Variants in DLEC1 observed in about 807,000 individuals in gnomAD.
DLEC1 encodes DLEC1 cilia and flagella associated protein, also known as deleted in lung and esophageal cancer protein 1.
Under a neutral mutation model 198.1 loss-of-function variants are expected in DLEC1, and 146 were observed. The ratio of observed to expected loss-of-function variants is 0.74; its 90% CI spans 0.64 to 0.85. DLEC1 has a LOEUF of 0.85. Ranked by LOEUF, DLEC1 falls within the 40% of genes least tolerant of loss-of-function variation. The pLI is 0.00. For missense variants in DLEC1, 2,233 were observed against 2,220.0 expected, an observed-to-expected ratio of 1.01 and a Z score of -0.12; for synonymous variants, 897 against 866.8, an observed-to-expected ratio of 1.03 and a Z score of -0.61.
Position 38,117,862 on chromosome 3 carries a change from C to A in DLEC1, c.4542C>A (p.Ile1514=). The A allele has an allele frequency of 6.2e-7, 1 of 1,614,152 alleles. No individual in the cohort carries two copies. ...HHLKLTNTTE[I]PHYFRLMVSR... is the part of the protein sequence containing the mutation. ...TGAAGCTGACCAACACTACAGAGAT[C>A]CCACACTACTTCCGGCTTATGGTCT... Residue 1514 remains isoleucine (I), a synonymous_variant, in exon 33 of 37, where the codon ATC becomes ATA. Coordinates refer to ENST00000308059, the MANE Select transcript of DLEC1 (RefSeq NM_007335.4).
intron 10 of DLEC1, among the ~76,000 whole-genome samples, chr3:38,092,174 A>G (rs547080266): frequency 1.3e-5 from 2 of 152,350 alleles, no homozygotes; most frequent in South Asian, 4.1e-4. Flanking sequence ...TTGATAGAGG[A>G]TAAAGAAAAT....
At chr3:38,060,241 C>A (rs113610368) in intron 3 of DLEC1, among the ~76,000 whole-genome samples, 1,961 of 152,318 alleles carry the variant, frequency 0.013, 38 homozygotes, top group African/African-American at 0.043. Context: ...AAAAGAGCAG[C>A]TTCTCATCCT....
intron 7 of DLEC1, 113 bp downstream of exon 7, chr3:38,084,358 TGG>T (rs1698248504): frequency 1.0e-6 from 1 of 961,170 alleles, no homozygotes; most frequent in Admixed American, 2.0e-5. Context: ...GTAGTGGTGG[TGG>T]TAGTAGTAGT....
rs566923403 is a variant in DLEC1 at position 38,063,938 on chromosome 3, T to G, written c.1173+19T>G. 4 of 1,558,702 alleles carry G rather than the reference T, an allele frequency of 2.6e-6. No individual in the cohort carries two copies. In the South Asian group the frequency reaches 4.5e-5, roughly 17 times the overall value. ...TTATGAGGTAGACATCTTGTTTCTTTACAGCTCCCACCCCATCTGCTTTCT... is the reference window on the plus strand; with the variant it reads ...TTATGAGGTAGACATCTTGTTTCTTGACAGCTCCCACCCCATCTGCTTTCT... On this transcript the variant is annotated intron_variant, in intron 6 of 36. Transcript: ENST00000308059.
chr3:38,111,020 G>A (rs1293826958), intron 23 of DLEC1, among the ~76,000 whole-genome samples: 1 of 152,144 alleles, frequency 6.6e-6, no homozygotes, highest in Non-Finnish European at 1.5e-5. Flanking sequence ...ACATAGGTGT[G>A]CCAGAACCAG....
In DLEC1 at chr3:38,096,677, A is replaced by T. The variant is rs201753373; in HGVS notation, c.2280A>T (p.Pro760=). ...SVEPFQVLLE[P]YALIIPGENY... ...AACCTTTCCAGGTTCTCTTAGAGCC[A>T]TATGCCCTCATCATCCCAGGGGAGA... Residue 760 remains proline, a synonymous_variant, in exon 15 of 37, where the codon CCA becomes CCT. Transcript: ENST00000308059. 6.2e-7 allele frequency: 1 copy of T among 1,613,568 alleles called. No individual in the cohort carries two copies. The highest frequency in any genetic ancestry group is 8.5e-7 in the Non-Finnish European group (1 of 1,179,968).
At chr3:38,098,775 T>C (rs1469245385) in intron 18 of DLEC1, among the ~76,000 whole-genome samples, 1 of 152,232 alleles carries the variant, frequency 6.6e-6, no homozygotes, top group Non-Finnish European at 1.5e-5. Flanking sequence ...GAAAGTGGGC[T>C]TTCCTTTCTA....
rs904351295 is a variant in DLEC1, at chr3:38,085,055, A to T, written c.1262-219A>T. 2.0e-5 allele frequency among the ~76,000 whole-genome samples: 3 copies of T among 152,162 alleles called. No individual in the cohort carries two copies. The South Asian group carries it at 6.2e-4, about 32-fold the overall frequency. ...GGCCCCACCTGACCTTTCTGGATGG[A>T]TGGTGTCATTTCCCCCCAGGCTCTG... On this transcript the variant is annotated intron_variant, in intron 7 of 36. Transcript: ENST00000308059.
rs1038657473 is a variant in DLEC1, at chr3:38,085,147, C to T, written c.1262-127C>T. ...TCGCATGCCCTTTTCCTGCCATCAG[C>T]GTGGCTTTGGCCCAGAAGGCACTTA... On this transcript the variant is annotated intron_variant, in intron 7 of 36. Coordinates refer to ENST00000308059, the MANE Select transcript of DLEC1 (RefSeq NM_007335.4). 28 of 992,756 alleles carry T rather than the reference C, an allele frequency of 2.8e-5. 1 individual carries two copies. The highest frequency in any genetic ancestry group is 1.1e-4 in the African/African-American group (7 of 61,076). The allele number at this position is 992,756 out of a possible 1,614,324, so 61.5% of individuals were successfully genotyped here. A position where few individuals can be genotyped will look rare whatever the true frequency, so the allele number is the denominator to read the frequency against.
At chr3:38,045,733 G>A (rs1285977606) in intron 2 of DLEC1, 40 bp downstream of exon 2, 1 of 1,563,898 alleles carries the variant, frequency 6.4e-7, no homozygotes, top group African/African-American at 1.4e-5. Flanking sequence ...CCAATTCCCG[G>A]GCTGTTGATA....
At chr3:38,083,200 C>A (rs1198498067) in intron 6 of DLEC1, among the ~76,000 whole-genome samples, 1 of 151,576 alleles carries the variant, frequency 6.6e-6, no homozygotes, top group African/African-American at 2.4e-5. Context: ...TGTGAAGAGA[C>A]CACCAAACAG....
chr3:38,094,815 A>T (rs1414996984), intron 12 of DLEC1, 64 bp from the exon 13 acceptor site: 6 of 1,571,498 alleles, frequency 3.8e-6, no homozygotes, highest in Non-Finnish European at 3.5e-6. Flanking sequence ...GCAGGGAGGC[A>T]TGGGGTGGAG....
rs1303599424 is a variant in DLEC1, at chr3:38,039,482, C to G, written c.257C>G (p.Ser86Trp). The G allele has an allele frequency of 6.2e-7, 1 of 1,613,928 alleles. No homozygotes were observed. Among genetic ancestry groups the G allele is most frequent in the African/African-American group, 1.3e-5 (1 of 74,952 alleles). ...CAGCTGCTTCGTCTGCGCCCCTCCT[C>G]GCTGCGCACCCAAGATATCTCGCAC... ...EPQLLRLRPS[S>W]LRTQDISHLL... is the part of the protein sequence containing the mutation. The change falls in exon 1 of 37, where the codon TCG becomes TGG. Residue 86 changes from serine to tryptophan, a missense_variant. By Grantham distance (177) the Ser-to-Trp change is radical (BLOSUM62 -3). Transcript: ENST00000308059.
At chr3:38,102,889 T>C (rs1438592920) in intron 19 of DLEC1, among the ~76,000 whole-genome samples, 2 of 152,234 alleles carry the variant, frequency 1.3e-5, no homozygotes, top group African/African-American at 4.8e-5. Context: ...CCAGTGTTAC[T>C]GCAGGCTCTG....
chr3:38,072,165 G>A (rs1225247670), intron 6 of DLEC1, among the ~76,000 whole-genome samples: 1 of 152,184 alleles, frequency 6.6e-6, no homozygotes, highest in East Asian at 1.9e-4. Flanking sequence ...AATGTGGGAG[G>A]CCAGATTGAA....
At chr3:38,115,176 G>A (rs547241764) in intron 27 of DLEC1, 123 bp downstream of exon 27, 2 of 1,048,866 alleles carry the variant, frequency 1.9e-6, no homozygotes, top group East Asian at 2.5e-5. Context: ...TGTCCAGGGG[G>A]CCTGTGGTTA....
intron 25 of DLEC1, 102 bp from the exon 26 acceptor site, chr3:38,114,240 C>T (rs1254747901): frequency 2.7e-6 from 3 of 1,104,800 alleles, no homozygotes; most frequent in East Asian, 4.8e-5. Context: ...TGGGACCAAA[C>T]TGTGGGGCCC....
At chr3:38,101,499 C>T (rs1699304516) in intron 19 of DLEC1, among the ~76,000 whole-genome samples, 1 of 151,954 alleles carries the variant, frequency 6.6e-6, no homozygotes, top group Non-Finnish European at 1.5e-5. Context: ...TTTTATTATT[C>T]GTTAAACTAT....
Position 38,120,592 on chromosome 3 carries a change from A to G in DLEC1, c.4849A>G (p.Thr1617Ala), listed in dbSNP as rs779728592. Residue 1617 changes from threonine to alanine, a missense_variant, in exon 34 of 37, where the codon ACC becomes GCC. Coordinates refer to ENST00000308059, the MANE Select transcript of DLEC1 (RefSeq NM_007335.4). Reference protein sequence around the residue: ...VFTQNLLLEYTNQTTQVVPLR... With the variant: ...VFTQNLLLEYANQTTQVVPLR... ...TACTCAGAACCTGCTCCTGGAGTAC[A>G]CCAACCAGACCACTCAGGCACGCCC... The G allele has an allele frequency of 3.1e-6, 5 of 1,613,320 alleles. No homozygotes were observed. The highest frequency in any genetic ancestry group is 4.2e-6 in the Non-Finnish European group (5 of 1,180,008).
Sources: gnomAD v4.1 joint callset for allele counts (sites outside exome capture counted in the v4.1 genomes callset) on GRCh38, gnomAD v4.1.1 for gene constraint, MANE v1.5 for transcripts, NCBI Gene and HGNC (gene_info 2026-07-23, HGNC 2026-07-21) for gene names.